Variants in NAALADL2 observed in about 807,000 individuals in gnomAD.
NAALADL2 encodes the protein N-acetylated alpha-linked acidic dipeptidase like 2.
NAALADL2 carries 76 observed loss-of-function variants against 87.2 expected under a neutral mutation model. That is an observed-to-expected ratio of 0.87 (90% confidence interval 0.72 to 1.05). NAALADL2 has a LOEUF of 1.05. Ranked by LOEUF, NAALADL2 falls within the 50% of genes least tolerant of loss-of-function variation. The probability of loss-of-function intolerance (pLI) is 0.00; values close to 1 mark genes in which losing one functional copy is unlikely to be tolerated. For missense variants in NAALADL2, 1,089 were observed against 945.8 expected (o/e 1.15, Z -1.99); for synonymous variants, 354 against 331.0 (o/e 1.07, Z -0.75).
chr3:174,482,008 G>T (rs1432833078), intron 1 of NAALADL2, among the ~76,000 whole-genome samples: 1 of 151,970 alleles, frequency 6.6e-6, no homozygotes, highest in Admixed American at 6.6e-5. Context: ...TAGGGAATGG[G>T]GGAACCCTTC....
At chr3:175,695,134 T>G (rs1172944631) in intron 11 of NAALADL2, among the ~76,000 whole-genome samples, 1 of 152,022 alleles carries the variant, frequency 6.6e-6, no homozygotes, top group Non-Finnish European at 1.5e-5. Flanking sequence ...TCCTTGCAAT[T>G]TTATGTAGAG....
chr3:174,682,958 A>C (rs1332851145), intron 2 of NAALADL2, among the ~76,000 whole-genome samples: 2 of 152,230 alleles, frequency 1.3e-5, no homozygotes, highest in Non-Finnish European at 2.9e-5. Context: ...GAGATATGTG[A>C]CCTTTCAGAC....
At chr3:175,312,318 T>G (rs1309794309) in intron 4 of NAALADL2, among the ~76,000 whole-genome samples, 1 of 152,214 alleles carries the variant, frequency 6.6e-6, no homozygotes. Flanking sequence ...CTATGAGATG[T>G]CAGGTTCATG....
chr3:175,006,466 C>T (rs967494028), intron 1 of NAALADL2, among the ~76,000 whole-genome samples: 19 of 152,076 alleles, frequency 1.2e-4, no homozygotes, highest in Admixed American at 6.6e-5. Context: ...TCTAAAGTTA[C>T]CTGTGTGTCT....
At chr3:175,564,846 A>G (rs1716851708) in intron 9 of NAALADL2, among the ~76,000 whole-genome samples, 1 of 152,192 alleles carries the variant, frequency 6.6e-6, no homozygotes, top group Non-Finnish European at 1.5e-5. Context: ...ATATGATCAG[A>G]GTACAGTTTT....
intron 1 of NAALADL2, among the ~76,000 whole-genome samples, chr3:174,945,425 G>T (rs78588649): frequency 0.041 from 6,263 of 152,060 alleles, 434 homozygotes; most frequent in African/African-American, 0.14. Flanking sequence ...TCTGAGATTT[G>T]GCCTACATTT....
chr3:175,433,350 G>T (rs1718100457), intron 5 of NAALADL2, among the ~76,000 whole-genome samples: 1 of 152,020 alleles, frequency 6.6e-6, no homozygotes, highest in African/African-American at 2.4e-5. Context: ...ATTAAATGAA[G>T]GAGCTGAAAA....
At chr3:174,598,554 T>C (rs1020413530) in intron 2 of NAALADL2, among the ~76,000 whole-genome samples, 1 of 152,200 alleles carries the variant, frequency 6.6e-6, no homozygotes, top group Non-Finnish European at 1.5e-5. Context: ...AGTGGTATGC[T>C]GGTGTATTTT....
chr3:175,716,152 TATA>T (rs72287089), intron 11 of NAALADL2, among the ~76,000 whole-genome samples: 1,932 of 146,640 alleles, frequency 0.013, 37 homozygotes, highest in African/African-American at 0.045. Context: ...ACATGTTATA[TATA>T]ATATATAATA....
intron 1 of NAALADL2, among the ~76,000 whole-genome samples, chr3:174,918,058 C>A (rs527472829): frequency 2.3e-4 from 35 of 152,142 alleles, no homozygotes; most frequent in African/African-American, 8.4e-4. Context: ...ACATCCACTG[C>A]AATACTTAAT....
At chr3:175,051,353 T>C (rs1755362637) in intron 1 of NAALADL2, among the ~76,000 whole-genome samples, 1 of 152,186 alleles carries the variant, frequency 6.6e-6, no homozygotes, top group Admixed American at 6.5e-5. Context: ...TTGAGGGGTC[T>C]CCTGTCCTGA....
chr3:175,035,492 T>C (rs1458746318), intron 1 of NAALADL2, among the ~76,000 whole-genome samples: 1 of 152,096 alleles, frequency 6.6e-6, no homozygotes, highest in African/African-American at 2.4e-5. Context: ...ATGGGCCTTT[T>C]TCCCTGACTC....
At chr3:175,311,164 G>T (rs1490809679) in intron 4 of NAALADL2, among the ~76,000 whole-genome samples, 1 of 150,638 alleles carries the variant, frequency 6.6e-6, no homozygotes, top group East Asian at 2.0e-4. Flanking sequence ...GAAAATAAAA[G>T]AAATGAGGAA....
At chr3:175,355,060 A>G (rs868567462) in intron 5 of NAALADL2, among the ~76,000 whole-genome samples, 20 of 130,078 alleles carry the variant, frequency 1.5e-4, no homozygotes, top group Non-Finnish European at 2.3e-4. Context: ...GTGTGTGTGT[A>G]TACATATATT....
chr3:175,704,251 G>A (rs1004130992), intron 11 of NAALADL2, among the ~76,000 whole-genome samples: 1 of 152,122 alleles, frequency 6.6e-6, no homozygotes, highest in African/African-American at 2.4e-5. Flanking sequence ...AGAAAGTGGG[G>A]CTGTTCGCTG....
At chr3:175,727,021 T>G (rs1743026708) in intron 11 of NAALADL2, among the ~76,000 whole-genome samples, 1 of 152,150 alleles carries the variant, frequency 6.6e-6, no homozygotes, top group African/African-American at 2.4e-5. Context: ...AGCCCAACTC[T>G]TTCATAATCA....
chr3:175,573,417 G>A (rs987361656), intron 9 of NAALADL2, among the ~76,000 whole-genome samples: 1 of 152,144 alleles, frequency 6.6e-6, no homozygotes, highest in Non-Finnish European at 1.5e-5. Flanking sequence ...ATAAAATGGT[G>A]CAACAATCTC....
intron 13 of NAALADL2, among the ~76,000 whole-genome samples, chr3:175,795,533 A>AC (rs67817225): frequency 6.8e-6 from 1 of 146,952 alleles, no homozygotes; most frequent in African/African-American, 2.6e-5. Context: ...AAAAAAAAAA[A>AC]TTAGCTGGGC....
chr3:175,290,288 TA>T (rs920100046), intron 4 of NAALADL2, among the ~76,000 whole-genome samples: 64 of 152,132 alleles, frequency 4.2e-4, no homozygotes, highest in African/African-American at 1.5e-3. Context: ...AGTGAATGAA[TA>T]AACAATTTGT....
Sources: gnomAD v4.1 joint callset for allele counts (sites outside exome capture counted in the v4.1 genomes callset) on GRCh38, gnomAD v4.1.1 for gene constraint, MANE v1.5 for transcripts, NCBI Gene and HGNC (gene_info 2026-07-23, HGNC 2026-07-21) for gene names.